Variants in KHDRBS2 observed in about 807,000 individuals in gnomAD.
The protein encoded by KHDRBS2 is KH domain-containing, RNA-binding, signal transduction-associated protein 2.
KHDRBS2 carries 26 observed loss-of-function variants against 44.3 expected under a neutral mutation model. The ratio of observed to expected loss-of-function variants is 0.59; its 90% CI spans 0.43 to 0.81. The LOEUF (loss-of-function observed/expected upper bound fraction) is 0.81, where lower values mean the gene tolerates loss of function less well. Among genes scored for constraint, KHDRBS2 ranks in the 40% least tolerant of loss-of-function variants. The pLI, the probability that KHDRBS2 is intolerant of heterozygous loss-of-function variation, is 0.00. For missense variants in KHDRBS2, 476 were observed against 433.1 expected, an observed-to-expected ratio of 1.10 and a Z score of -0.88; for synonymous variants, 194 against 151.1, an observed-to-expected ratio of 1.28 and a Z score of -2.08.
At chr6:61,750,733 C>T (rs1408698997) in intron 6 of KHDRBS2, among the ~76,000 whole-genome samples, 2 of 147,842 alleles carry the variant, frequency 1.4e-5, no homozygotes, top group African/African-American at 5.0e-5. Context: ...TGCCTTTCTT[C>T]TTCTCATTTA....
chr6:61,824,549 A>C (rs540686180), intron 6 of KHDRBS2, among the ~76,000 whole-genome samples: 4 of 152,112 alleles, frequency 2.6e-5, no homozygotes, highest in Admixed American at 2.6e-4. Flanking sequence ...TCTTTATAGC[A>C]GTGTAATGGA....
rs72880605 is a variant in KHDRBS2 at position 61,783,145 on chromosome 6, T to C, written c.811-50381A>G. On this transcript the variant is annotated intron_variant, in intron 6 of 8. Coordinates refer to ENST00000281156, the MANE Select transcript of KHDRBS2 (RefSeq NM_152688.4). Reference sequence around the variant, plus strand: ...AAGAGAAAATAATTGTTTAATGAAATGCACATCACTTTCTTAGAAACAATA... The same window carrying C: ...AAGAGAAAATAATTGTTTAATGAAACGCACATCACTTTCTTAGAAACAATA... Among the ~76,000 whole-genome samples, 1,311 of 152,206 alleles carry C rather than the reference T, an allele frequency of 8.6e-3. 13 individuals are homozygous for C. Among genetic ancestry groups the C allele is most frequent in the Non-Finnish European group, 0.013 (861 of 67,992 alleles).
chr6:62,209,691 A>G (rs1451383223), intron 1 of KHDRBS2, among the ~76,000 whole-genome samples: 3 of 152,164 alleles, frequency 2.0e-5, no homozygotes, highest in Non-Finnish European at 2.9e-5. Context: ...CCCACCCTCA[A>G]TCTGGATTGG....
At chr6:61,616,345 A>C in the KHDRBS2 span, among the ~76,000 whole-genome samples, 56 of 151,848 alleles carry the variant, frequency 3.7e-4, no homozygotes, top group Admixed American at 7.2e-4. Flanking sequence ...CTCAATGACT[A>C]TATGTGTGGA....
chr6:61,566,534 G>A, the KHDRBS2 span, among the ~76,000 whole-genome samples: 89,837 of 151,798 alleles, frequency 0.59, 26,788 homozygotes, highest in African/African-American at 0.61. Flanking sequence ...ATGTAATCAT[G>A]ATGTAATCAC....
chr6:61,842,783 C>T (rs1793772992), intron 6 of KHDRBS2, among the ~76,000 whole-genome samples: 1 of 152,104 alleles, frequency 6.6e-6, no homozygotes, highest in East Asian at 1.9e-4. Flanking sequence ...TTCATAACAG[C>T]ATTATTCATA....
chr6:62,194,718 G>C (rs1825323457), intron 1 of KHDRBS2, among the ~76,000 whole-genome samples: 1 of 151,340 alleles, frequency 6.6e-6, no homozygotes, highest in African/African-American at 2.4e-5. Flanking sequence ...TGTTGCCCAG[G>C]ATGCTCTCAA....
chr6:61,649,228 C>T, the KHDRBS2 span, among the ~76,000 whole-genome samples: 7 of 152,096 alleles, frequency 4.6e-5, no homozygotes, highest in Non-Finnish European at 8.8e-5. Flanking sequence ...TGTCAAAGAG[C>T]TCCAAAAGGC....
At chr6:62,177,149 A>C (rs780322477) in intron 2 of KHDRBS2, 36 bp downstream of exon 2, 2 of 1,221,614 alleles carry the variant, frequency 1.6e-6, no homozygotes, top group Admixed American at 4.7e-5. Context: ...TCATTTCTAA[A>C]TCAATTATAT....
chr6:61,610,397 A>G, the KHDRBS2 span, among the ~76,000 whole-genome samples: 1 of 152,194 alleles, frequency 6.6e-6, no homozygotes, highest in African/African-American at 2.4e-5. Flanking sequence ...GCAACTTAAA[A>G]TCATAAAAAA....
the KHDRBS2 span, among the ~76,000 whole-genome samples, chr6:61,599,371 C>T: frequency 2.0e-5 from 3 of 152,108 alleles, no homozygotes. Context: ...GCCAATGAGC[C>T]TGTTTTCATA....
chr6:62,139,785 C>A (rs1387713753), intron 2 of KHDRBS2, among the ~76,000 whole-genome samples: 4 of 152,016 alleles, frequency 2.6e-5, no homozygotes, highest in Non-Finnish European at 5.9e-5. Flanking sequence ...GTAAGTCAAA[C>A]CATTTATTAA....
intron 5 of KHDRBS2, among the ~76,000 whole-genome samples, chr6:61,896,959 T>A (rs992105935): frequency 2.7e-4 from 41 of 152,164 alleles, no homozygotes; most frequent in African/African-American, 9.4e-4. Flanking sequence ...CATTCCTCCT[T>A]ATTCGTTATC....
At chr6:61,750,499 C>T (rs189770401) in intron 6 of KHDRBS2, among the ~76,000 whole-genome samples, 142 of 152,196 alleles carry the variant, frequency 9.3e-4, no homozygotes, top group African/African-American at 3.2e-3. Flanking sequence ...CTTATATTTA[C>T]TGCATTATGT....
chr6:61,697,011 C>A (rs1767980212), intron 8 of KHDRBS2, among the ~76,000 whole-genome samples, 184 bp downstream of exon 8: 1 of 152,076 alleles, frequency 6.6e-6, no homozygotes, highest in Non-Finnish European at 1.5e-5. Context: ...AAATTTTGAT[C>A]AAAATTGATC....
chr6:61,846,980 T>C (rs1794508943), intron 6 of KHDRBS2, among the ~76,000 whole-genome samples: 1 of 152,056 alleles, frequency 6.6e-6, no homozygotes, highest in Admixed American at 6.6e-5. Context: ...AGAGTGTAAG[T>C]AAATTACAAC....
At chr6:61,667,558 G>T in the KHDRBS2 span, among the ~76,000 whole-genome samples, 2 of 151,054 alleles carry the variant, frequency 1.3e-5, no homozygotes, top group Non-Finnish European at 3.0e-5. Flanking sequence ...TTCCTAAGAG[G>T]GCTCCAATTT....
chr6:62,233,111 C>T (rs184369713), intron 1 of KHDRBS2, among the ~76,000 whole-genome samples: 44 of 152,214 alleles, frequency 2.9e-4, no homozygotes, highest in African/African-American at 9.9e-4. Context: ...GGGACTAATT[C>T]CCTTGAAGCT....
chr6:62,199,771 T>C (rs1394263370), intron 1 of KHDRBS2, among the ~76,000 whole-genome samples: 1 of 152,026 alleles, frequency 6.6e-6, no homozygotes, highest in Admixed American at 6.6e-5. Flanking sequence ...GAGCCCGCAT[T>C]GCCAAGTCAA....
Sources: gnomAD v4.1 joint callset for allele counts (sites outside exome capture counted in the v4.1 genomes callset) on GRCh38, gnomAD v4.1.1 for gene constraint, MANE v1.5 for transcripts, NCBI Gene and HGNC (gene_info 2026-07-23, HGNC 2026-07-21) for gene names.